The following GYG2 variants were observed in gnomAD, a reference collection of about 807,000 sequenced individuals.
GYG2 encodes glycogenin 2.
Under a neutral mutation model 29.4 loss-of-function variants are expected in GYG2, and 29 were observed. The observed-to-expected ratio is 0.99, with a 90% CI of 0.74 to 1.35. The LOEUF (loss-of-function observed/expected upper bound fraction) is 1.35. Ranked by LOEUF, GYG2 falls within the 40% of genes most tolerant of loss-of-function variation. The pLI is 0.00. For synonymous variants in GYG2, 167 were observed against 172.3 expected, an observed-to-expected ratio of 0.97 and a Z score of 0.24; for missense variants, 370 against 385.7, an observed-to-expected ratio of 0.96 and a Z score of 0.34.
chrX:2,856,494 G>A lies in GYG2; in HGVS notation c.488-4G>A. On this transcript the variant is annotated splice_polypyrimidine_tract_variant and splice_region_variant and intron_variant, in intron 5 of 10. Transcript: ENST00000398806. ...ACCTGCTTTTGTGTTTGCTCATTAT[G>A]TAGGGGCAGACCAAGGCTTACTGAA... is the stretch of plus-strand genomic sequence containing the variant. The A allele has an allele frequency of 8.3e-7, 1 of 1,209,345 alleles. No homozygotes were observed. Among genetic ancestry groups the A allele is most frequent in the Non-Finnish European group, 1.1e-6 (1 of 894,207 alleles).
chrX:2,860,172 A>G, intron 7 of GYG2, 107 bp downstream of exon 7: 2 of 473,839 alleles, frequency 4.2e-6, no homozygotes, highest in Non-Finnish European at 7.0e-6. Context: ...TTGTCTAAAT[A>G]CTGTATTTCA....
intron 3 of GYG2, among the ~76,000 whole-genome samples, chrX:2,848,093 A>G (rs2087783259): frequency 8.9e-6 from 1 of 112,279 alleles, no homozygotes; most frequent in African/African-American, 3.3e-5. Context: ...AGATAAAACA[A>G]ACTGAGGGCC....
Position 2,861,686 on chromosome X carries a change from G to A in GYG2, c.1002G>A (p.Glu334=), listed in dbSNP as rs749214104. The stretch of plus-strand genomic sequence containing the variant: ...CGGAGCCGACCCAGATAGTGGATGA[G>A]ACCCTGTCCCTACCTGAAGGACGCC... The part of the protein sequence containing the change: ...GLPEPTQIVD[E]TLSLPEGRRS... The change falls in exon 8 of 11, where the codon GAG becomes GAA. Residue 334 remains glutamate (E), a synonymous_variant. Coordinates refer to ENST00000398806, the MANE Select transcript of GYG2 (RefSeq NM_001079855.2). 6.7e-6 allele frequency: 8 copies of A among 1,200,612 alleles called. No homozygotes were observed. Among genetic ancestry groups the A allele is most frequent in the Middle Eastern group, 4.6e-4 (2 of 4,327 alleles).
At chrX:2,878,953 C>T (rs966699968) in intron 10 of GYG2, among the ~76,000 whole-genome samples, 1 of 111,774 alleles carries the variant, frequency 8.9e-6, no homozygotes, top group African/African-American at 3.3e-5. Context: ...ATTTCATTCT[C>T]AGGAACTGAA....
At chrX:2,870,271 G>A (rs770445597) in intron 8 of GYG2, among the ~76,000 whole-genome samples, 20 of 110,346 alleles carry the variant, frequency 1.8e-4, no homozygotes, top group Non-Finnish European at 2.8e-4. Context: ...GTGCGATCTC[G>A]GCTCACTGAA....
intron 2 of GYG2, among the ~76,000 whole-genome samples, chrX:2,835,786 G>T (rs2087359800): frequency 9.0e-6 from 1 of 111,064 alleles, no homozygotes; most frequent in Non-Finnish European, 1.9e-5. Flanking sequence ...CCAGCGTGTG[G>T]TACTTTCTCA....
chrX:2,856,022 G>A (rs554225076), intron 5 of GYG2, among the ~76,000 whole-genome samples: 1 of 112,333 alleles, frequency 8.9e-6, no homozygotes, highest in South Asian at 3.7e-4. Flanking sequence ...AATATAGGGA[G>A]AATTAAAAGG....
At chrX:2,843,395 T>C (rs1569055437) in intron 3 of GYG2, 41 bp downstream of exon 3, 1 of 1,092,797 alleles carries the variant, frequency 9.2e-7, no homozygotes, top group East Asian at 3.2e-5. Flanking sequence ...CTGGGTCCTA[T>C]AGAAGGAGGG....
intron 6 of GYG2, among the ~76,000 whole-genome samples, chrX:2,857,879 CT>C (rs2088058843): frequency 9.1e-6 from 1 of 110,280 alleles, no homozygotes; most frequent in African/African-American, 3.3e-5. Flanking sequence ...TCCCTTTTTG[CT>C]GCCATTTTCT....
chrX:2,832,815 G>A (rs772736239), intron 2 of GYG2, among the ~76,000 whole-genome samples: 3 of 112,219 alleles, frequency 2.7e-5, no homozygotes, highest in Non-Finnish European at 3.8e-5. Flanking sequence ...GATTACAGGC[G>A]TGAGCCACCA....
intron 3 of GYG2, among the ~76,000 whole-genome samples, chrX:2,844,877 T>TAC (rs1378688279): frequency 9.3e-6 from 1 of 107,748 alleles, no homozygotes; most frequent in Non-Finnish European, 1.9e-5. Flanking sequence ...TATGCGTATA[T>TAC]ACACATGTAT....
chrX:2,868,843 C>G (rs1185810765), intron 8 of GYG2, among the ~76,000 whole-genome samples: 2 of 111,161 alleles, frequency 1.8e-5, no homozygotes, highest in Non-Finnish European at 3.8e-5. Flanking sequence ...AAAAGCAAAA[C>G]AAAACAAAAC....
intron 10 of GYG2, 115 bp from the exon 11 acceptor site, chrX:2,880,937 T>G: frequency 1.6e-6 from 1 of 623,755 alleles, no homozygotes; most frequent in Non-Finnish European, 2.5e-6. Context: ...CGCAATCTCT[T>G]TTTGAGAACT....
chrX:2,859,132 A>G (rs368792049), intron 6 of GYG2, among the ~76,000 whole-genome samples: 349 of 111,895 alleles, frequency 3.1e-3, no homozygotes, highest in South Asian at 0.019. Flanking sequence ...AAATGAAACT[A>G]CTACTACTAT....
intron 10 of GYG2, chrX:2,877,551 A>C: frequency 1.0e-6 from 1 of 976,735 alleles, no homozygotes; most frequent in Non-Finnish European, 1.3e-6. Context: ...CTCTCTTTAA[A>C]AGCTGTTCTG....
chrX:2,877,176 A>G, intron 9 of GYG2, 24 bp from the exon 10 acceptor site: 1 of 1,203,788 alleles, frequency 8.3e-7, no homozygotes. Context: ...ACCGCAGACT[A>G]ATGATGGAAT....
intron 2 of GYG2, among the ~76,000 whole-genome samples, chrX:2,838,845 T>TCAGGGGG (rs2087435928): frequency 8.9e-6 from 1 of 112,091 alleles, no homozygotes; most frequent in African/African-American, 3.2e-5. Context: ...TCTTGGTTTA[T>TCAGGGGG]AGATGTATCC....
At chrX:2,866,383 T>TACTC (rs2088296318) in intron 8 of GYG2, among the ~76,000 whole-genome samples, 1 of 111,116 alleles carries the variant, frequency 9.0e-6, no homozygotes, top group African/African-American at 3.3e-5. Context: ...TGGTCCCAGC[T>TACTC]ACTCGCAAGG....
chrX:2,882,348 C>T lies in GYG2; in HGVS notation c.*1135C>T. 9.0e-6 allele frequency: 1 copy of T among 110,944 alleles called. No individual in the cohort carries two copies. The highest frequency in any genetic ancestry group is 1.9e-5 in the Non-Finnish European group (1 of 53,076). The allele number at this position is 110,944 out of a possible 1,213,427, so 9.1% of individuals were successfully genotyped here. ...GGAAAAGCAGAGAGTAAATTAGAGA[C>T]GGGATAGGAAGGCCGTGGGAGAACT... On this transcript the variant is annotated 3_prime_UTR_variant, in exon 11 of 11. Transcript: ENST00000398806.
Sources: allele counts gnomAD v4.1 joint callset (sites outside exome capture counted in the v4.1 genomes callset), GRCh38; gene constraint gnomAD v4.1.1; transcripts MANE v1.5; gene names NCBI Gene and HGNC (gene_info 2026-07-23, HGNC 2026-07-21).